Variants in SPATA12 observed in about 807,000 individuals in gnomAD.
The protein encoded by SPATA12 is spermatogenesis associated 12.
For missense variants in SPATA12, 219 were observed against 226.4 expected, an observed-to-expected ratio of 0.97 and a Z score of 0.21; for synonymous variants, 85 against 89.2, an observed-to-expected ratio of 0.95 and a Z score of 0.26.
chr3:57,066,518 C>T (rs1480392572), intron 1 of SPATA12, among the ~76,000 whole-genome samples: 1 of 152,242 alleles, frequency 6.6e-6, no homozygotes, highest in Non-Finnish European at 1.5e-5. Flanking sequence ...CCGCCTCGGC[C>T]TCCCAAAGTG....
intron 1 of SPATA12, among the ~76,000 whole-genome samples, chr3:57,061,740 T>C (rs995952783): frequency 2.0e-5 from 3 of 152,180 alleles, no homozygotes; most frequent in Non-Finnish European, 2.9e-5. Flanking sequence ...CAGCTAACTC[T>C]CAGTGAGCAG....
Position 57,074,124 on chromosome 3 carries a change from TTGTGGAGACTGTGTGAGGATATA to T in SPATA12, c.431_453del (p.Leu144Ter). The T allele has an allele frequency of 6.2e-7, 1 of 1,613,664 alleles. No individual in the cohort carries two copies. The highest frequency in any genetic ancestry group is 8.5e-7 in the Non-Finnish European group (1 of 1,179,534). On this transcript the variant is annotated frameshift_variant, in exon 2 of 2. Coordinates refer to ENST00000334325, the MANE Select transcript of SPATA12 (RefSeq NM_181727.2). LOFTEE classifies it low-confidence loss of function (END_TRUNC). ...GGATAATGAGAGGACCACAGGATGGTTGTGGAGACTGTGTGAGGATATAGATGCCGAGCCCAGTAGCACAGGGT... is the reference window on the plus strand; with the variant it reads ...GGATAATGAGAGGACCACAGGATGGTGATGCCGAGCCCAGTAGCACAGGGT...
At chr3:57,066,195 A>T (rs1705524928) in intron 1 of SPATA12, among the ~76,000 whole-genome samples, 1 of 152,040 alleles carries the variant, frequency 6.6e-6, no homozygotes, top group South Asian at 2.1e-4. Context: ...AGGGGAGGGA[A>T]TTCTTTCCGA....
In SPATA12 at chr3:57,073,917, G is replaced by T; in HGVS notation, c.223G>T (p.Asp75Tyr). 6.2e-7 allele frequency: 1 copy of T among 1,614,204 alleles called. No homozygotes were observed. The highest frequency in any genetic ancestry group is 8.5e-7 in the Non-Finnish European group (1 of 1,180,044). Residue 75 changes from aspartate to tyrosine, a missense_variant, in exon 2 of 2, where the codon GAT becomes TAT. Transcript: ENST00000334325. ...CCTCCCAGAGCTGACATTTCAGGGG[G>T]ATGTGTGCCAAAGTGAGACCTGTCA... is the stretch of plus-strand genomic sequence containing the variant. ...SALPELTFQGDVCQSETCQRY... is the reference protein window; with the variant it reads ...SALPELTFQGYVCQSETCQRY...
intron 1 of SPATA12, among the ~76,000 whole-genome samples, chr3:57,068,822 C>T (rs80242482): frequency 0.1 from 15,942 of 152,114 alleles, 1,042 homozygotes; most frequent in East Asian, 0.35. Flanking sequence ...TGCACACACA[C>T]GCACACACCC....
At chr3:57,068,952 C>T (rs1330057378) in intron 1 of SPATA12, among the ~76,000 whole-genome samples, 1 of 147,692 alleles carries the variant, frequency 6.8e-6, no homozygotes, top group South Asian at 2.1e-4. Flanking sequence ...GACCGAGTCT[C>T]GCTGTATCAC....
intron 1 of SPATA12, among the ~76,000 whole-genome samples, chr3:57,061,505 T>G (rs1422938388): frequency 6.6e-6 from 1 of 152,216 alleles, no homozygotes; most frequent in Non-Finnish European, 1.5e-5. Flanking sequence ...TTCCATTGTA[T>G]GTACATACCA....
chr3:57,061,099 C>T (rs1421930217), intron 1 of SPATA12, among the ~76,000 whole-genome samples: 1 of 152,110 alleles, frequency 6.6e-6, no homozygotes, highest in Non-Finnish European at 1.5e-5. Flanking sequence ...TCATTCTAAA[C>T]AGAAACTGTG....
At chr3:57,062,736 C>T (rs1705299797) in intron 1 of SPATA12, among the ~76,000 whole-genome samples, 1 of 152,152 alleles carries the variant, frequency 6.6e-6, no homozygotes, top group South Asian at 2.1e-4. Context: ...CATGCACACA[C>T]ACATACATAC....
rs1417874609 is a variant in SPATA12, at chr3:57,074,008, C to G, written c.314C>G (p.Pro105Arg). ...TCCCAAATAAATCTTCTGGGAAGAC[C>G]CTCTTCACCTCCAGCTCTCCTGATA... ...AVSQINLLGR[P>R]SSPPALLIQQ... The change falls in exon 2 of 2, where the codon CCC (proline) becomes CGC (arginine). Residue 105 changes from proline to arginine, a missense_variant. Coordinates refer to ENST00000334325, the MANE Select transcript of SPATA12 (RefSeq NM_181727.2). 6.2e-7 allele frequency: 1 copy of G among 1,614,164 alleles called. No individual in the cohort carries two copies. Among genetic ancestry groups the G allele is most frequent in the African/African-American group, 1.3e-5 (1 of 75,044 alleles).
intron 1 of SPATA12, among the ~76,000 whole-genome samples, chr3:57,068,691 T>A (rs2107385360): frequency 6.6e-6 from 1 of 152,274 alleles, no homozygotes; most frequent in South Asian, 2.1e-4. Flanking sequence ...TCACACAAGG[T>A]CAGCCAAGCT....
chr3:57,067,823 A>AC (rs1579209738), intron 1 of SPATA12, among the ~76,000 whole-genome samples: 1 of 151,232 alleles, frequency 6.6e-6, no homozygotes, highest in African/African-American at 2.4e-5. Context: ...ACTAAAAAAA[A>AC]AAAACAAAAC....
At position 57,073,693 on chromosome 3, in the gene SPATA12, C is replaced by T. The variant is rs1267783441; in HGVS notation, c.-2C>T. 6.2e-7 allele frequency: 1 copy of T among 1,606,586 alleles called. No individual in the cohort carries two copies. Among genetic ancestry groups the T allele is most frequent in the Admixed American group, 1.7e-5 (1 of 58,654 alleles). ...GAGAATTCTGTTTTTGACTTGGGCC[C>T]CATGTCCAGTTCTGCTCTGACTTGT... On this transcript the variant is annotated 5_prime_UTR_variant, in exon 2 of 2. Coordinates refer to ENST00000334325, the MANE Select transcript of SPATA12 (RefSeq NM_181727.2).
chr3:57,072,910 G>C (rs182426909), intron 1 of SPATA12, among the ~76,000 whole-genome samples: 1 of 152,088 alleles, frequency 6.6e-6, no homozygotes, highest in Admixed American at 6.5e-5. Flanking sequence ...GCAAGGCGCA[G>C]TGGCAGGCGC....
chr3:57,073,989 A>C lies in SPATA12; in HGVS notation c.295A>C (p.Ile99Leu). 6.2e-7 allele frequency: 1 copy of C among 1,614,236 alleles called. No individual in the cohort carries two copies. Among genetic ancestry groups the C allele is most frequent in the Non-Finnish European group, 8.5e-7 (1 of 1,180,040 alleles). ...AISLDIAVSQ[I>L]NLLGRPSSPP... ...CTCTCTTGACATCGCTGTATCCCAA[A>C]TAAATCTTCTGGGAAGACCCTCTTC... Residue 99 changes from isoleucine to leucine, a missense_variant, in exon 2 of 2, where the codon ATA (isoleucine) becomes CTA (leucine). Physicochemically the swap from Ile to Leu is conservative, Grantham distance 5. Coordinates refer to ENST00000334325, the MANE Select transcript of SPATA12 (RefSeq NM_181727.2).
intron 1 of SPATA12, among the ~76,000 whole-genome samples, chr3:57,065,998 T>C (rs1200924239): frequency 1.3e-5 from 2 of 151,918 alleles, no homozygotes; most frequent in Non-Finnish European, 2.9e-5. Context: ...GGAGGATCAC[T>C]TGAGGCCAGG....
At chr3:57,072,064 A>G (rs1579221353) in intron 1 of SPATA12, among the ~76,000 whole-genome samples, 1 of 152,240 alleles carries the variant, frequency 6.6e-6, no homozygotes, top group Non-Finnish European at 1.5e-5. Context: ...CAAAGTCACA[A>G]TGAGATGCCA....
At chr3:57,061,842 A>C (rs1705239069) in intron 1 of SPATA12, among the ~76,000 whole-genome samples, 1 of 152,196 alleles carries the variant, frequency 6.6e-6, no homozygotes, top group African/African-American at 2.4e-5. Flanking sequence ...CCCATTTTAC[A>C]GACAAAGAAC....
At position 57,062,460 on chromosome 3, in the gene SPATA12, C is replaced by CG. The variant is rs566679044; in HGVS notation, c.-330+1680dup. On this transcript the variant is annotated intron_variant, in intron 1 of 1. Transcript: ENST00000334325. Reference sequence around the variant, plus strand: ...AGGCTCAGGAGCACGGCGGCGGGGGCGGGGGGTGCTCAGGAGCATGGGGAA... The same window carrying CG: ...AGGCTCAGGAGCACGGCGGCGGGGGCGGGGGGGTGCTCAGGAGCATGGGGAA... 3.5e-4 allele frequency among the ~76,000 whole-genome samples: 53 copies of CG among 152,192 alleles called. No individual in the cohort carries two copies. In the South Asian group the frequency reaches 0.011, roughly 30 times the overall value.
Sources: gnomAD v4.1 joint callset for allele counts (sites outside exome capture counted in the v4.1 genomes callset) on GRCh38, gnomAD v4.1.1 for gene constraint, MANE v1.5 for transcripts, NCBI Gene and HGNC (gene_info 2026-07-23, HGNC 2026-07-21) for gene names.